Variants in KCND3 observed in about 807,000 individuals in gnomAD.
KCND3 encodes A-type voltage-gated potassium channel KCND3.
In KCND3, 9 loss-of-function variants were observed where a neutral mutation model predicts 51.1. The ratio of observed to expected loss-of-function variants is 0.18; its 90% confidence interval spans 0.11 to 0.31. KCND3 has a LOEUF of 0.31. Ranked by LOEUF, KCND3 falls within the 10% of genes least tolerant of loss-of-function variation. KCND3 has a pLI of 1.00. For synonymous variants in KCND3, 349 were observed against 368.0 expected, an observed-to-expected ratio of 0.95 and a Z score of 0.59; for missense variants, 526 against 903.8, an observed-to-expected ratio of 0.58 and a Z score of 5.36.
intron 2 of KCND3, among the ~76,000 whole-genome samples, chr1:111,788,229 T>C (rs1664691081): frequency 1.3e-5 from 2 of 152,238 alleles, no homozygotes; most frequent in African/African-American, 4.8e-5. Context: ...AAAGGCCTTA[T>C]TAAGCAAAGA....
At chr1:111,892,032 C>T (rs1358059479) in intron 2 of KCND3, among the ~76,000 whole-genome samples, 2 of 151,808 alleles carry the variant, frequency 1.3e-5, no homozygotes, top group Non-Finnish European at 2.9e-5. Context: ...AAAGCAATTC[C>T]AAAACTGTGT....
intron 2 of KCND3, among the ~76,000 whole-genome samples, chr1:111,891,365 G>A (rs1163915155): frequency 6.6e-6 from 1 of 152,186 alleles, no homozygotes; most frequent in Non-Finnish European, 1.5e-5. Flanking sequence ...AAAAAGGAAG[G>A]TATTTTAAGA....
At chr1:111,898,604 A>T (rs1388809525) in intron 2 of KCND3, among the ~76,000 whole-genome samples, 8 of 152,206 alleles carry the variant, frequency 5.3e-5, no homozygotes, top group African/African-American at 1.9e-4. Context: ...CAAATATAGC[A>T]GCCCCATGGG....
chr1:111,952,107 G>A (rs558545843), intron 2 of KCND3, among the ~76,000 whole-genome samples: 2 of 152,216 alleles, frequency 1.3e-5, no homozygotes, highest in African/African-American at 4.8e-5. Context: ...TGGGAATGTG[G>A]TTTGGTCCAT....
intron 2 of KCND3, among the ~76,000 whole-genome samples, chr1:111,970,332 G>A (rs764838914): frequency 6.6e-6 from 1 of 152,104 alleles, no homozygotes; most frequent in Non-Finnish European, 1.5e-5. Flanking sequence ...TTACTAAAAG[G>A]TCTACTTCAG....
chr1:111,877,817 C>G (rs140041896), intron 2 of KCND3, among the ~76,000 whole-genome samples: 1 of 152,256 alleles, frequency 6.6e-6, no homozygotes, highest in East Asian at 1.9e-4. Context: ...GGGAGCCAGC[C>G]TTGGACTGTA....
rs545518800 is a variant in KCND3, at chr1:111,837,960, G to A, written c.1107-50854C>T. ...CTGGGTGTTTTGGGGGGAGACCACAGAGGTGCCGTTCTCATCATGTCATAC... is the reference window on the plus strand; with the variant it reads ...CTGGGTGTTTTGGGGGGAGACCACAAAGGTGCCGTTCTCATCATGTCATAC... On this transcript the variant is annotated intron_variant, in intron 2 of 7. Transcript: ENST00000302127. 8.5e-5 allele frequency among the ~76,000 whole-genome samples: 13 copies of A among 152,256 alleles called. No homozygotes were observed. The South Asian group carries it at 2.7e-3, about 32-fold the overall frequency.
At position 111,775,989 on chromosome 1, in the gene KCND3, G is replaced by C. The variant is rs966131055; in HGVS notation, c.*88C>G. On this transcript the variant is annotated 3_prime_UTR_variant, in exon 8 of 8. Coordinates refer to ENST00000302127, the MANE Select transcript of KCND3 (RefSeq NM_001378969.1). Reference sequence around the variant, plus strand: ...GGGCAGGCAGAAATAGTGGGGAAAGGGGGGAGGGAGTGGTCTCAGTGACCA... The same window carrying C: ...GGGCAGGCAGAAATAGTGGGGAAAGCGGGGAGGGAGTGGTCTCAGTGACCA... 43 of 1,364,758 alleles carry C rather than the reference G, an allele frequency of 3.2e-5. No individual in the cohort carries two copies. Among genetic ancestry groups the C allele is most frequent in the South Asian group, 2.2e-4 (19 of 85,230 alleles). The allele number at this position is 1,364,758 out of a possible 1,614,324, so 84.5% of individuals were successfully genotyped here. A position where few individuals can be genotyped will look rare whatever the true frequency, so the allele number is the denominator to read the frequency against.
intron 2 of KCND3, among the ~76,000 whole-genome samples, chr1:111,800,103 A>G (rs570261380): frequency 2.0e-5 from 3 of 148,468 alleles, no homozygotes; most frequent in Non-Finnish European, 3.0e-5. Flanking sequence ...ATAGAAAGGC[A>G]GGAAAGGTGG....
intron 2 of KCND3, among the ~76,000 whole-genome samples, chr1:111,884,808 C>T (rs1669494521): frequency 2.0e-5 from 3 of 152,188 alleles, no homozygotes; most frequent in Admixed American, 1.3e-4. Context: ...CCAAATTCAT[C>T]TTTTAACTTA....
At chr1:111,970,009 T>TTC (rs1005937700) in intron 2 of KCND3, among the ~76,000 whole-genome samples, 1 of 151,810 alleles carries the variant, frequency 6.6e-6, no homozygotes, top group South Asian at 2.1e-4. Context: ...CAATCTTTCC[T>TTC]TCTCTCTCTC....
At chr1:111,958,368 A>T (rs141417124) in intron 2 of KCND3, among the ~76,000 whole-genome samples, 6 of 152,286 alleles carry the variant, frequency 3.9e-5, no homozygotes, top group Non-Finnish European at 7.4e-5. Context: ...CCTCAGGTCC[A>T]TTCGCAGTGC....
chr1:111,814,782 C>A (rs1666009389), intron 2 of KCND3, among the ~76,000 whole-genome samples: 1 of 152,218 alleles, frequency 6.6e-6, no homozygotes, highest in Non-Finnish European at 1.5e-5. Context: ...ACAGGCCCAG[C>A]AGCCCAGCTG....
chr1:111,864,173 G>T (rs780342610), intron 2 of KCND3, among the ~76,000 whole-genome samples: 36 of 152,082 alleles, frequency 2.4e-4, no homozygotes, highest in Non-Finnish European at 4.7e-4. Context: ...GGCAGGATGG[G>T]GAAGAAGAGA....
chr1:111,841,948 G>A (rs1487148287), intron 2 of KCND3, among the ~76,000 whole-genome samples: 1 of 152,194 alleles, frequency 6.6e-6, no homozygotes. Flanking sequence ...GTCAGGGGAT[G>A]GCTCTTCACT....
At chr1:111,877,569 G>A (rs573410591) in intron 2 of KCND3, among the ~76,000 whole-genome samples, 4 of 152,276 alleles carry the variant, frequency 2.6e-5, no homozygotes, top group African/African-American at 9.6e-5. Flanking sequence ...GGGGAATTAT[G>A]AGGATGGAAC....
intron 2 of KCND3, among the ~76,000 whole-genome samples, chr1:111,918,158 G>C (rs1348937736): frequency 6.6e-6 from 1 of 152,194 alleles, no homozygotes; most frequent in Non-Finnish European, 1.5e-5. Context: ...GAAGATGCAA[G>C]TGGCTTAGAT....
At position 111,836,730 on chromosome 1, in the gene KCND3, C is replaced by T. The variant is rs115078687; in HGVS notation, c.1107-49624G>A. On this transcript the variant is annotated intron_variant, in intron 2 of 7. Transcript: ENST00000302127. Reference sequence around the variant, plus strand: ...CCTGTTCATGCAAATAGACCCCCAGCGACCCCTGAGCCATTTTATGGCTCA... The same window carrying T: ...CCTGTTCATGCAAATAGACCCCCAGTGACCCCTGAGCCATTTTATGGCTCA... Among the ~76,000 whole-genome samples, 1,032 of 113,458 alleles carry T rather than the reference C, an allele frequency of 9.1e-3. 13 individuals carry two copies. The highest frequency in any genetic ancestry group is 0.032 in the African/African-American group (973 of 30,052). 74.4% of individuals were successfully genotyped at this position (113,458 alleles called of 152,430 possible). A position where few individuals can be genotyped will look rare whatever the true frequency, so the allele number is the denominator to read the frequency against.
intron 2 of KCND3, among the ~76,000 whole-genome samples, chr1:111,958,314 C>A (rs912222519): frequency 6.6e-6 from 1 of 152,216 alleles, no homozygotes; most frequent in African/African-American, 2.4e-5. Context: ...AAAAGCTCCC[C>A]CAAACCCTGC....
Sources: allele counts gnomAD v4.1 joint callset (sites outside exome capture counted in the v4.1 genomes callset), GRCh38; gene constraint gnomAD v4.1.1; transcripts MANE v1.5; gene names NCBI Gene and HGNC (gene_info 2026-07-23, HGNC 2026-07-21).